The following ZKSCAN2 variants were observed in gnomAD, a reference collection of about 807,000 sequenced individuals.
ZKSCAN2 encodes zinc finger protein with KRAB and SCAN domains 2.
In ZKSCAN2, 38 loss-of-function variants were observed where a neutral mutation model predicts 90.5. The ratio of observed to expected loss-of-function variants is 0.42; its 90% CI spans 0.32 to 0.55. The LOEUF is 0.55. Ranked by LOEUF, ZKSCAN2 falls within the 20% of genes least tolerant of loss-of-function variation. The pLI is 0.11. For synonymous variants in ZKSCAN2, 429 were observed against 421.6 expected, an observed-to-expected ratio of 1.02 and a Z score of -0.22; for missense variants, 1,167 against 1,202.6, an observed-to-expected ratio of 0.97 and a Z score of 0.44.
intron 4 of ZKSCAN2, among the ~76,000 whole-genome samples, chr16:25,249,981 T>C (rs573623673): frequency 1.3e-5 from 2 of 151,882 alleles, no homozygotes; most frequent in African/African-American, 2.4e-5. Context: ...TGTGAAAATA[T>C]AGGAAAAAAA....
chr16:25,239,894 A>G lies in ZKSCAN2; in HGVS notation c.2826T>C (p.Pro942=), dbSNP rs1962822016. 7 of 1,614,140 alleles carry G rather than the reference A, an allele frequency of 4.3e-6. No individual in the cohort carries two copies. In the East Asian group the frequency reaches 6.7e-5, roughly 15 times the overall value. Reference sequence around the variant, plus strand: ...AATACAGAGATGGAGGGTGTGGCAGAGGCTTTTCTCTCACATGAACTTCCC... The same window carrying G: ...AATACAGAGATGGAGGGTGTGGCAGGGGCTTTTCTCTCACATGAACTTCCC... The part of the protein sequence containing the change: ...KHREVHVREK[P]LPHPPSLYCP... Residue 942 remains proline (P), a synonymous_variant, in exon 7 of 7, where the codon CCT becomes CCC. Coordinates refer to ENST00000328086, the MANE Select transcript of ZKSCAN2 (RefSeq NM_001012981.5).
intron 4 of ZKSCAN2, among the ~76,000 whole-genome samples, chr16:25,247,777 A>G (rs574879638): frequency 6.6e-6 from 1 of 152,274 alleles, no homozygotes; most frequent in Admixed American, 6.5e-5. Flanking sequence ...CCACCCCAAC[A>G]TACATAACAT....
chr16:25,257,234 T>A lies in ZKSCAN2; in HGVS notation c.-107A>T. On this transcript the variant is annotated 5_prime_UTR_variant, in exon 1 of 7. Coordinates refer to ENST00000328086, the MANE Select transcript of ZKSCAN2 (RefSeq NM_001012981.5). Reference sequence around the variant, plus strand: ...CTGGGAGTGTGATAAGGTACGGAGGTAAAAACGGCCAGGTCGGCAGGAACA... The same window carrying A: ...CTGGGAGTGTGATAAGGTACGGAGGAAAAAACGGCCAGGTCGGCAGGAACA... 8 of 1,470,588 alleles carry A rather than the reference T, an allele frequency of 5.4e-6. No homozygotes were observed. Among genetic ancestry groups the A allele is most frequent in the Non-Finnish European group, 5.4e-6 (6 of 1,115,552 alleles). The allele number at this position is 1,470,588 out of a possible 1,614,324, so 91.1% of individuals were successfully genotyped here. A position where few individuals can be genotyped will look rare whatever the true frequency, so the allele number is the denominator to read the frequency against.
intron 1 of ZKSCAN2, 68 bp downstream of exon 1, chr16:25,256,661 A>C (rs745867778): frequency 1.1e-5 from 17 of 1,511,830 alleles, no homozygotes; most frequent in African/African-American, 4.2e-5. Flanking sequence ...TCTGCAATAC[A>C]TCCCTGCCCA....
chr16:25,246,630 G>A (rs775541122), intron 5 of ZKSCAN2, 77 bp downstream of exon 5: 3 of 1,529,672 alleles, frequency 2.0e-6, no homozygotes, highest in South Asian at 2.4e-5. Context: ...CCCGGGTTTG[G>A]CCACTTCTGG....
Position 25,247,587 on chromosome 16 carries a change from A to G in ZKSCAN2, c.806-197T>C, listed in dbSNP as rs147361715. Among the ~76,000 whole-genome samples, 16 of 152,218 alleles carry G rather than the reference A, an allele frequency of 1.1e-4. 1 individual carries two copies. Among genetic ancestry groups the G allele is most frequent in the African/African-American group, 3.6e-4 (15 of 41,522 alleles). ...TACACGATCATTTTACTTCTCATAT[A>G]TGTACCATTTCTTTTCCTAGCTAGT... On this transcript the variant is annotated intron_variant, in intron 4 of 6. Transcript: ENST00000328086.
At position 25,257,213 on chromosome 16, in the gene ZKSCAN2, G is replaced by A. The variant is rs1963119045; in HGVS notation, c.-86C>T. On this transcript the variant is annotated 5_prime_UTR_variant, in exon 1 of 7. Transcript: ENST00000328086. ...AGCGCTCCCTGCTTAATGTTCCTGG[G>A]AGTGTGATAAGGTACGGAGGTAAAA... The A allele has an allele frequency of 2.1e-5, 32 of 1,502,296 alleles. No homozygotes were observed. In the South Asian group the frequency reaches 2.1e-4, roughly 10 times the overall value. The allele number at this position is 1,502,296 out of a possible 1,614,324, so 93.1% of individuals were successfully genotyped here.
chr16:25,252,435 A>G (rs960351936), intron 3 of ZKSCAN2, among the ~76,000 whole-genome samples: 1 of 152,142 alleles, frequency 6.6e-6, no homozygotes, highest in Non-Finnish European at 1.5e-5. Flanking sequence ...AGTAAGTATA[A>G]GTAAAGGAAT....
chr16:25,255,635 G>T (rs1187615178), intron 1 of ZKSCAN2, among the ~76,000 whole-genome samples: 1 of 152,202 alleles, frequency 6.6e-6, no homozygotes, highest in Admixed American at 6.5e-5. Context: ...AGGCTGGAGT[G>T]CAATGGCACG....
At chr16:25,242,843 CAA>C (rs950151617) in intron 6 of ZKSCAN2, among the ~76,000 whole-genome samples, 1 of 152,114 alleles carries the variant, frequency 6.6e-6, no homozygotes. Flanking sequence ...ACAGTCTAGG[CAA>C]GAGAGAGAGA....
At position 25,239,907 on chromosome 16, in the gene ZKSCAN2, A is replaced by G; in HGVS notation, c.2813T>C (p.Val938Ala). The change falls in exon 7 of 7, where the codon GTG becomes GCG. Residue 938 changes from valine (V) to alanine (A), a missense_variant. By Grantham distance (64) the Val-to-Ala change is moderately conservative (BLOSUM62 0). Transcript: ENST00000328086. The part of the protein sequence containing the change: ...SVLTKHREVH[V>A]REKPLPHPPS... ...AGGGTGTGGCAGAGGCTTTTCTCTC[A>G]CATGAACTTCCCGATGTTTGGTAAG... 1.9e-6 allele frequency: 3 copies of G among 1,614,122 alleles called. No individual in the cohort carries two copies. The Admixed American group carries it at 5.0e-5, about 27-fold the overall frequency.
At position 25,248,581 on chromosome 16, in the gene ZKSCAN2, T is replaced by C. The variant is rs139441059; in HGVS notation, c.806-1191A>G. Among the ~76,000 whole-genome samples the C allele has an allele frequency of 2.7e-4, 41 of 152,150 alleles. No individual in the cohort carries two copies. The East Asian group carries it at 5.6e-3, about 21-fold the overall frequency. Reference sequence around the variant, plus strand: ...TCAACATTGCTAATCATCAGGGAAATGCAAATCAAAGCCACAATGAGGTAT... The same window carrying C: ...TCAACATTGCTAATCATCAGGGAAACGCAAATCAAAGCCACAATGAGGTAT... On this transcript the variant is annotated intron_variant, in intron 4 of 6. Transcript: ENST00000328086.
chr16:25,249,943 G>A (rs150181004), intron 4 of ZKSCAN2, among the ~76,000 whole-genome samples: 1 of 152,080 alleles, frequency 6.6e-6, no homozygotes, highest in African/African-American at 2.4e-5. Context: ...AACAACCCAA[G>A]TACCTCCTGA....
intron 4 of ZKSCAN2, among the ~76,000 whole-genome samples, chr16:25,247,872 A>G (rs1348829119): frequency 6.6e-6 from 1 of 152,216 alleles, no homozygotes; most frequent in Non-Finnish European, 1.5e-5. Context: ...ACAGTAATCA[A>G]AACAGTATGG....
chr16:25,240,070 C>T lies in ZKSCAN2; in HGVS notation c.2650G>A (p.Glu884Lys), dbSNP rs902799442. 1.2e-6 allele frequency: 2 copies of T among 1,614,026 alleles called. No homozygotes were observed. Among genetic ancestry groups the T allele is most frequent in the Non-Finnish European group, 1.7e-6 (2 of 1,180,012 alleles). Residue 884 changes from glutamate to lysine, a missense_variant, in exon 7 of 7, where the codon GAG (glutamate) becomes AAG (lysine). Glu to Lys is a moderately conservative substitution (Grantham distance 56, BLOSUM62 1). Coordinates refer to ENST00000328086, the MANE Select transcript of ZKSCAN2 (RefSeq NM_001012981.5). ...FSAHRRVHTG[E>K]NPYKCVDCEK... ...CAGTCCACACATTTGTAGGGATTCT[C>T]CCCAGTGTGAACTCTCCGGTGGGCG...
In ZKSCAN2 at chr16:25,238,665, G is replaced by A. The variant is rs1370242478; in HGVS notation, c.*1151C>T. 6.6e-6 allele frequency: 1 copy of A among 152,204 alleles called. No homozygotes were observed. The highest frequency in any genetic ancestry group is 1.5e-5 in the Non-Finnish European group (1 of 68,044). 9.4% of individuals were successfully genotyped at this position (152,204 alleles called of 1,614,324 possible). On this transcript the variant is annotated 3_prime_UTR_variant, in exon 7 of 7. Coordinates refer to ENST00000328086, the MANE Select transcript of ZKSCAN2 (RefSeq NM_001012981.5). ...TTTCTGATGCGGTGAACAGGGACTA[G>A]AAGCCTCAGGAAAAGAGACTGGGAG...
At chr16:25,249,866 G>A (rs1473583160) in intron 4 of ZKSCAN2, among the ~76,000 whole-genome samples, 2 of 152,148 alleles carry the variant, frequency 1.3e-5, no homozygotes, top group Admixed American at 1.3e-4. Context: ...GACAAAATCA[G>A]CATCTTGAAG....
chr16:25,250,787 G>A (rs1167548630), intron 4 of ZKSCAN2, among the ~76,000 whole-genome samples: 3 of 152,002 alleles, frequency 2.0e-5, no homozygotes, highest in Non-Finnish European at 2.9e-5. Context: ...ATGGAGTTTT[G>A]CTCTTGTTGC....
In ZKSCAN2 at chr16:25,257,007, A is replaced by C; in HGVS notation, c.121T>G (p.Ser41Ala). ...SEPILEGSDS[S>A]ETFRKCFRQF... ...CTGAAGCATTTGCGGAAGGTCTCAG[A>C]GCTATCCGATCCTTCCAGAATGGGC... Residue 41 changes from serine (S) to alanine (A), a missense_variant, in exon 1 of 7, where the codon TCT becomes GCT. By Grantham distance (99) the Ser-to-Ala change is moderately conservative. Transcript: ENST00000328086. The C allele has an allele frequency of 1.2e-6, 2 of 1,614,160 alleles. No homozygotes were observed. Among genetic ancestry groups the C allele is most frequent in the Non-Finnish European group, 1.7e-6 (2 of 1,180,026 alleles).
Sources: allele counts gnomAD v4.1 joint callset (sites outside exome capture counted in the v4.1 genomes callset), GRCh38; gene constraint gnomAD v4.1.1; transcripts MANE v1.5; gene names NCBI Gene and HGNC (gene_info 2026-07-23, HGNC 2026-07-21).